Variants in RAB28 observed in about 807,000 individuals in gnomAD.
The protein encoded by RAB28 is RAB28, member RAS oncogene family, also known as ras-related protein Rab-28.
In RAB28, 24 loss-of-function variants were observed where a neutral mutation model predicts 31.7. The ratio of observed to expected loss-of-function variants is 0.76; its 90% CI spans 0.55 to 1.06. RAB28 has a LOEUF of 1.06. Among genes scored for constraint, RAB28 ranks in the 50% least tolerant of loss-of-function variants. The pLI is 0.00. For synonymous variants in RAB28, 100 were observed against 90.4 expected (o/e 1.11, Z -0.60); for missense variants, 254 against 258.5 (o/e 0.98, Z 0.12).
intron 4 of RAB28, among the ~76,000 whole-genome samples, chr4:13,406,788 A>G (rs866369394): frequency 2.6e-5 from 4 of 152,216 alleles, no homozygotes; most frequent in Non-Finnish European, 2.9e-5. Flanking sequence ...TATTGGCTGC[A>G]TAAATGTCTT....
chr4:13,484,337 C>T lies in RAB28; in HGVS notation c.-187G>A, dbSNP rs1716773236. ...GCCATCTTGCCCACCTCCCCGCCCT[C>T]TGCGCGCGGCCCCGCCCCCTACGCG... On this transcript the variant is annotated 5_prime_UTR_variant, in exon 1 of 7. Coordinates refer to ENST00000330852, the MANE Select transcript of RAB28 (RefSeq NM_001017979.3). 2 of 558,716 alleles carry T rather than the reference C, an allele frequency of 3.6e-6. No homozygotes were observed. The allele number at this position is 558,716 out of a possible 1,614,324, so 34.6% of individuals were successfully genotyped here. A position where few individuals can be genotyped will look rare whatever the true frequency, so the allele number is the denominator to read the frequency against.
chr4:13,378,747 GA>G (rs765966963), intron 5 of RAB28, among the ~76,000 whole-genome samples: 13 of 152,178 alleles, frequency 8.5e-5, no homozygotes, highest in Non-Finnish European at 1.8e-4. Context: ...AGAGAAGACA[GA>G]AGATATGAGA....
At chr4:13,407,620 T>C (rs75277430) in intron 4 of RAB28, among the ~76,000 whole-genome samples, 8,541 of 152,308 alleles carry the variant, frequency 0.056, 550 homozygotes, top group African/African-American at 0.16. Flanking sequence ...TTTCGCGATA[T>C]TGATTCTTCC....
intron 6 of RAB28, chr4:13,371,776 T>C: frequency 6.5e-7 from 1 of 1,546,864 alleles, no homozygotes; most frequent in Non-Finnish European, 8.7e-7. Flanking sequence ...AGAGAAAATG[T>C]TACCTATAAA....
At chr4:13,447,309 C>G (rs1026545870) in intron 4 of RAB28, among the ~76,000 whole-genome samples, 14 of 152,108 alleles carry the variant, frequency 9.2e-5, no homozygotes, top group African/African-American at 3.1e-4. Context: ...GCAGTAAAAG[C>G]CAAAAGCCCA....
At chr4:13,423,561 G>A (rs965913348) in intron 4 of RAB28, among the ~76,000 whole-genome samples, 6 of 152,162 alleles carry the variant, frequency 3.9e-5, no homozygotes, top group South Asian at 2.1e-4. Context: ...TGTCAGTGCC[G>A]ATAAATAAAG....
chr4:13,467,607 A>G (rs1266441677), intron 3 of RAB28, among the ~76,000 whole-genome samples: 2 of 151,956 alleles, frequency 1.3e-5, no homozygotes, highest in Non-Finnish European at 2.9e-5. Flanking sequence ...TTAGTTAAAA[A>G]TGTATATTGC....
At chr4:13,406,451 G>A (rs560107658) in intron 4 of RAB28, among the ~76,000 whole-genome samples, 60 of 152,196 alleles carry the variant, frequency 3.9e-4, no homozygotes, top group African/African-American at 1.3e-3. Context: ...GAATAGTGCC[G>A]CAATAAACAT....
At chr4:13,438,196 C>T (rs576106123) in intron 4 of RAB28, among the ~76,000 whole-genome samples, 2 of 152,224 alleles carry the variant, frequency 1.3e-5, no homozygotes, top group Admixed American at 1.3e-4. Context: ...AATCAAAACA[C>T]TTTATATCAC....
intron 3 of RAB28, among the ~76,000 whole-genome samples, chr4:13,470,968 A>G (rs1429637105): frequency 2.6e-5 from 4 of 152,138 alleles, no homozygotes; most frequent in Non-Finnish European, 5.9e-5. Flanking sequence ...GTTAACTCCC[A>G]GCCTACATAT....
At chr4:13,435,614 A>AC (rs1354896942) in intron 4 of RAB28, among the ~76,000 whole-genome samples, 3 of 152,222 alleles carry the variant, frequency 2.0e-5, no homozygotes, top group African/African-American at 7.2e-5. Context: ...TGCACAAACT[A>AC]GAAAACCTAG....
intron 4 of RAB28, among the ~76,000 whole-genome samples, chr4:13,451,503 C>T (rs1472531469): frequency 6.6e-6 from 1 of 150,470 alleles, no homozygotes; most frequent in Non-Finnish European, 1.5e-5. Flanking sequence ...AAGTAGTTTA[C>T]AAATATTTTT....
At chr4:13,372,518 A>G (rs1032621875) in intron 6 of RAB28, among the ~76,000 whole-genome samples, 12 of 152,144 alleles carry the variant, frequency 7.9e-5, no homozygotes, top group Non-Finnish European at 1.6e-4. Flanking sequence ...TAAAAAATTA[A>G]TTTAAAAGGT....
chr4:13,370,741 A>G (rs924872814), intron 6 of RAB28: 35 of 985,088 alleles, frequency 3.6e-5, no homozygotes, highest in Non-Finnish European at 4.2e-5. Flanking sequence ...TCCATACAGA[A>G]ACAAACAAGT....
chr4:13,442,549 A>C (rs947778829), intron 4 of RAB28, among the ~76,000 whole-genome samples: 11 of 151,926 alleles, frequency 7.2e-5, no homozygotes, highest in Non-Finnish European at 1.5e-4. Context: ...AATTATAACC[A>C]AAATTTTAAT....
chr4:13,395,995 A>ACAATTGT lies in RAB28; in HGVS notation c.392-14402_392-14401insACAATTG, dbSNP rs1328814004. On this transcript the variant is annotated intron_variant, in intron 4 of 6. Transcript: ENST00000330852. ...TATATTATCAATTAATTGTATTATT[A>ACAATTGT]ATGTCTACTTGCTGTCGATGGAAAA... is the stretch of plus-strand genomic sequence containing the variant. 2.0e-5 allele frequency among the ~76,000 whole-genome samples: 3 copies of ACAATTGT among 152,160 alleles called. No individual in the cohort carries two copies. The East Asian group carries it at 5.8e-4, about 29-fold the overall frequency.
chr4:13,456,214 T>C (rs373711333), intron 4 of RAB28, among the ~76,000 whole-genome samples: 7 of 152,272 alleles, frequency 4.6e-5, no homozygotes, highest in African/African-American at 1.7e-4. Flanking sequence ...TATCAATCTC[T>C]GGTGGGGTGG....
intron 3 of RAB28, among the ~76,000 whole-genome samples, chr4:13,464,629 G>A (rs768102256): frequency 6.6e-6 from 1 of 152,074 alleles, no homozygotes; most frequent in East Asian, 1.9e-4. Flanking sequence ...AAAAAAGACT[G>A]TGAGGCAAAA....
chr4:13,387,892 G>C (rs1476547787), intron 4 of RAB28, among the ~76,000 whole-genome samples: 29 of 151,988 alleles, frequency 1.9e-4, no homozygotes, highest in Admixed American at 1.9e-3. Flanking sequence ...AAAACTTGTT[G>C]AGGGATCTGC....
Sources: allele counts gnomAD v4.1 joint callset (sites outside exome capture counted in the v4.1 genomes callset), GRCh38; gene constraint gnomAD v4.1.1; transcripts MANE v1.5; gene names NCBI Gene and HGNC (gene_info 2026-07-23, HGNC 2026-07-21).